PBX3: variants seen among roughly 807,000 people sequenced by gnomAD.
PBX3 encodes the protein PBX homeobox 3.
PBX3 carries 14 observed loss-of-function variants against 48.5 expected under a neutral mutation model. The observed-to-expected ratio is 0.29, with a 90% CI of 0.19 to 0.45. PBX3 has a LOEUF of 0.45. PBX3 is among the 20% of genes least tolerant of loss of function. The pLI, the probability that PBX3 is intolerant of heterozygous loss-of-function variation, is 1.00. For missense variants in PBX3, 386 were observed against 546.7 expected (o/e 0.71, Z 2.93); for synonymous variants, 210 against 200.3 (o/e 1.05, Z -0.41).
chr9:125,853,264 C>T (rs765348670), intron 2 of PBX3, among the ~76,000 whole-genome samples: 1 of 152,158 alleles, frequency 6.6e-6, no homozygotes, highest in Non-Finnish European at 1.5e-5. Context: ...TGATTTACCT[C>T]AAAATATAGC....
At chr9:125,783,719 C>T (rs535496128) in intron 2 of PBX3, among the ~76,000 whole-genome samples, 12 of 152,084 alleles carry the variant, frequency 7.9e-5, no homozygotes, top group African/African-American at 2.2e-4. Context: ...TATTTTGGGC[C>T]GGGAGCAGCA....
At chr9:125,960,877 T>G (rs1226613441) in intron 6 of PBX3, 28 bp downstream of exon 6, 2 of 1,605,740 alleles carry the variant, frequency 1.2e-6, no homozygotes, top group African/African-American at 2.7e-5. Flanking sequence ...GCTCCCCAAC[T>G]GGCCCAGGCA....
chr9:125,953,751 C>CGT (rs1383768207), intron 5 of PBX3, among the ~76,000 whole-genome samples: 1 of 147,596 alleles, frequency 6.8e-6, no homozygotes, highest in African/African-American at 2.4e-5. Context: ...CCGAATGAGT[C>CGT]CTGTTTTTAG....
chr9:125,912,162 TCTAGCCAATGC>T (rs1479149926), intron 2 of PBX3, among the ~76,000 whole-genome samples: 1 of 152,158 alleles, frequency 6.6e-6, no homozygotes, highest in Non-Finnish European at 1.5e-5. Context: ...TACTGTACAA[TCTAGCCAATGC>T]AGATTTCTAA....
chr9:125,888,552 A>G (rs1840557201), intron 2 of PBX3, among the ~76,000 whole-genome samples: 1 of 104,966 alleles, frequency 9.5e-6, no homozygotes, highest in Non-Finnish European at 1.9e-5. Context: ...ATACGATTTG[A>G]TATTTCTTTT....
At chr9:125,961,998 C>T (rs1842439372) in intron 6 of PBX3, 104 bp from the exon 7 acceptor site, 2 of 611,034 alleles carry the variant, frequency 3.3e-6, no homozygotes, top group African/African-American at 3.7e-5. Context: ...ATGTTGTGCA[C>T]AGCCTTTCCC....
At chr9:125,833,514 T>C (rs1000983207) in intron 2 of PBX3, among the ~76,000 whole-genome samples, 6 of 151,980 alleles carry the variant, frequency 3.9e-5, no homozygotes, top group Non-Finnish European at 4.4e-5. Context: ...GTTTTATTGC[T>C]GAATCCTTAT....
intron 2 of PBX3, among the ~76,000 whole-genome samples, chr9:125,877,002 G>T (rs1386218682): frequency 3.3e-5 from 5 of 151,948 alleles, no homozygotes; most frequent in Non-Finnish European, 5.9e-5. Flanking sequence ...TCGAACTCCT[G>T]ACCTTGTGAT....
intron 5 of PBX3, among the ~76,000 whole-genome samples, chr9:125,953,170 CTCTT>C (rs2118774972): frequency 6.6e-6 from 1 of 152,158 alleles, no homozygotes; most frequent in African/African-American, 2.4e-5. Context: ...CTCTCTCTCT[CTCTT>C]TCTATTAATA....
intron 2 of PBX3, among the ~76,000 whole-genome samples, chr9:125,905,225 C>T (rs1380937315): frequency 6.6e-6 from 1 of 151,900 alleles, no homozygotes; most frequent in East Asian, 1.9e-4. Context: ...AATGTTCATC[C>T]TCCTTAAATT....
chr9:125,786,387 G>C (rs1837458018), intron 2 of PBX3, among the ~76,000 whole-genome samples: 1 of 152,242 alleles, frequency 6.6e-6, no homozygotes. Flanking sequence ...CCAGGAGCCT[G>C]TGGTACAGTG....
At chr9:125,813,280 T>A (rs1208059647) in intron 2 of PBX3, among the ~76,000 whole-genome samples, 1 of 152,180 alleles carries the variant, frequency 6.6e-6, no homozygotes. Flanking sequence ...TTTAATTTTT[T>A]TTTGTTAAAA....
At chr9:125,917,612 AT>A (rs1222052696) in intron 3 of PBX3, among the ~76,000 whole-genome samples, 10 of 151,940 alleles carry the variant, frequency 6.6e-5, no homozygotes, top group Non-Finnish European at 1.5e-4. Context: ...TCCCCTCTAC[AT>A]TCCCTGTATA....
At chr9:125,785,857 C>A (rs1422927772) in intron 2 of PBX3, among the ~76,000 whole-genome samples, 1 of 152,114 alleles carries the variant, frequency 6.6e-6, no homozygotes, top group Non-Finnish European at 1.5e-5. Flanking sequence ...GACTTTGAGC[C>A]TGCCACTAAA....
chr9:125,850,243 C>G (rs77892147), intron 2 of PBX3, among the ~76,000 whole-genome samples: 1 of 151,894 alleles, frequency 6.6e-6, no homozygotes, highest in Non-Finnish European at 1.5e-5. Flanking sequence ...TCTATTTCCA[C>G]GAGAGTCTGC....
intron 2 of PBX3, among the ~76,000 whole-genome samples, chr9:125,876,185 T>C (rs895119589): frequency 6.6e-6 from 1 of 151,464 alleles, no homozygotes; most frequent in Non-Finnish European, 1.5e-5. Context: ...ATAAAACTTA[T>C]TTTTTGTATC....
intron 2 of PBX3, among the ~76,000 whole-genome samples, chr9:125,876,496 C>G (rs1186214192): frequency 6.6e-6 from 1 of 152,110 alleles, no homozygotes; most frequent in African/African-American, 2.4e-5. Context: ...ACTAAATGAA[C>G]AGTAAATATA....
chr9:125,750,265 G>A (rs1836334717), intron 2 of PBX3, among the ~76,000 whole-genome samples: 1 of 152,148 alleles, frequency 6.6e-6, no homozygotes, highest in Non-Finnish European at 1.5e-5. Context: ...TATTACTAGG[G>A]AGAGGGGATG....
At chr9:125,821,192 A>G (rs1178932368) in intron 2 of PBX3, among the ~76,000 whole-genome samples, 1 of 152,136 alleles carries the variant, frequency 6.6e-6, no homozygotes, top group Non-Finnish European at 1.5e-5. Context: ...TAGTACCAGT[A>G]TATATTACAG....
Sources: allele counts gnomAD v4.1 joint callset (sites outside exome capture counted in the v4.1 genomes callset), GRCh38; gene constraint gnomAD v4.1.1; transcripts MANE v1.5; gene names NCBI Gene and HGNC (gene_info 2026-07-23, HGNC 2026-07-21).